Variants in SPTAN1 observed in about 807,000 individuals in gnomAD.
SPTAN1 encodes spectrin alpha, non-erythrocytic 1.
SPTAN1 carries 61 observed loss-of-function variants against 331.3 expected under a neutral mutation model. That is an observed-to-expected ratio of 0.18 (90% CI 0.15 to 0.23). The LOEUF (loss-of-function observed/expected upper bound fraction) is 0.23. Among genes scored for constraint, SPTAN1 ranks in the 10% least tolerant of loss-of-function variants. The pLI is 1.00. For missense variants in SPTAN1, 2,043 were observed against 3,147.9 expected (o/e 0.65, Z 8.40); for synonymous variants, 1,153 against 1,173.9 (o/e 0.98, Z 0.36).
At position 128,627,214 on chromosome 9, in the gene SPTAN1, GAGAA is replaced by G; in HGVS notation, c.6577-167_6577-164del. ...TTGAAGCCCCTGGGGGGTGGGAACA[GAGAA>G]AGAACTACCAAGTGCTCTGAGCCGG... On this transcript the variant is annotated intron_variant, in intron 49 of 56. Transcript: ENST00000372739. This position sits in a 1 kb window ranked among gnomAD's most constrained non-coding sequence, Gnocchi z 4.9. 1 of 665,408 alleles carries G rather than the reference GAGAA, an allele frequency of 1.5e-6. No individual in the cohort carries two copies. Among genetic ancestry groups the G allele is most frequent in the South Asian group, 1.7e-5 (1 of 58,766 alleles). The allele number at this position is 665,408 out of a possible 1,614,324, so 41.2% of individuals were successfully genotyped here.
At chr9:128,571,760 T>C (rs753713040) in intron 3 of SPTAN1, among the ~76,000 whole-genome samples, 35 of 152,308 alleles carry the variant, frequency 2.3e-4, no homozygotes, top group Non-Finnish European at 4.7e-4. Flanking sequence ...TCTCAGAGAA[T>C]TTGAGTAACT....
chr9:128,609,628 G>T, intron 36 of SPTAN1, 23 bp from the exon 37 acceptor site: 3 of 1,522,244 alleles, frequency 2.0e-6, no homozygotes, highest in Non-Finnish European at 2.6e-6. Flanking sequence ...CTGAACTCTT[G>T]TTCTTTTAAT....
At chr9:128,565,155 T>C (rs1162211401) in intron 1 of SPTAN1, among the ~76,000 whole-genome samples, 5 of 151,932 alleles carry the variant, frequency 3.3e-5, no homozygotes, top group East Asian at 1.9e-4. Context: ...ATACAAAAAT[T>C]AGCTGGGCGT....
Position 128,632,569 on chromosome 9 carries a change from C to G in SPTAN1, c.7014-3C>G. On this transcript the variant is annotated splice_polypyrimidine_tract_variant and splice_region_variant and intron_variant, in intron 54 of 56. Coordinates refer to ENST00000372739, the MANE Select transcript of SPTAN1 (RefSeq NM_001130438.3). Reference sequence around the variant, plus strand: ...CTGAGCCGCCCTCGGCTTTGTGCTGCAGACACTTTGACAAGGACAAGTCTG... The same window carrying G: ...CTGAGCCGCCCTCGGCTTTGTGCTGGAGACACTTTGACAAGGACAAGTCTG... 1 of 1,614,120 alleles carries G rather than the reference C, an allele frequency of 6.2e-7. No homozygotes were observed. The highest frequency in any genetic ancestry group is 8.5e-7 in the Non-Finnish European group (1 of 1,180,040).
intron 20 of SPTAN1, 49 bp from the exon 21 acceptor site, chr9:128,588,760 T>C (rs1301781411): frequency 6.2e-7 from 1 of 1,611,030 alleles, no homozygotes; most frequent in South Asian, 1.1e-5. Flanking sequence ...CTTAGATGAC[T>C]CAGCGCGGAC....
intron 21 of SPTAN1, among the ~76,000 whole-genome samples, chr9:128,589,290 C>CTTTTT (rs1171749676): frequency 6.3e-5 from 8 of 126,992 alleles, no homozygotes; most frequent in African/African-American, 8.7e-5. Flanking sequence ...TTTTTCTTTT[C>CTTTTT]TTTTTTTTTT....
intron 3 of SPTAN1, among the ~76,000 whole-genome samples, chr9:128,574,462 G>A (rs1350502046): frequency 6.6e-6 from 1 of 151,880 alleles, no homozygotes; most frequent in Non-Finnish European, 1.5e-5. Context: ...CTACCTACTT[G>A]TAACTTGAAG....
intron 42 of SPTAN1, 85 bp downstream of exon 42, chr9:128,617,845 T>G: frequency 6.2e-7 from 1 of 1,611,644 alleles, no homozygotes. Context: ...CTTATTTCAC[T>G]GAGGTCCCTA....
At chr9:128,586,144 A>G (rs1420149268) in intron 19 of SPTAN1, among the ~76,000 whole-genome samples, 179 bp downstream of exon 19, 1 of 111,834 alleles carries the variant, frequency 8.9e-6, no homozygotes, top group African/African-American at 3.4e-5. Context: ...TTTTGGAGAC[A>G]GAGTCTCACT....
chr9:128,556,854 T>G (rs1291275428), intron 1 of SPTAN1, among the ~76,000 whole-genome samples: 1 of 152,166 alleles, frequency 6.6e-6, no homozygotes, highest in Non-Finnish European at 1.5e-5. Context: ...GCTAAGCTGG[T>G]TTTGAGTTAA....
At chr9:128,560,723 T>TA (rs1849218807) in intron 1 of SPTAN1, among the ~76,000 whole-genome samples, 1 of 151,824 alleles carries the variant, frequency 6.6e-6, no homozygotes, top group Non-Finnish European at 1.5e-5. Flanking sequence ...AAGGAACTAA[T>TA]AAAGAGGGAG....
chr9:128,608,879 G>A lies in SPTAN1; in HGVS notation c.4497G>A (p.Glu1499=), dbSNP rs758689464. 3.1e-6 allele frequency: 5 copies of A among 1,613,958 alleles called. No individual in the cohort carries two copies. Among genetic ancestry groups the A allele is most frequent in the Middle Eastern group, 1.7e-4 (1 of 5,888 alleles). The change falls in exon 35 of 57, where the codon GAG becomes GAA. Residue 1499 remains glutamate, a synonymous_variant. Coordinates refer to ENST00000372739, the MANE Select transcript of SPTAN1 (RefSeq NM_001130438.3). ...ATGCCTTTGTTTTCTGACAGGAAGAGAAGATTGCTGCTCTGCAGGCCTTTG... is the reference window on the plus strand; with the variant it reads ...ATGCCTTTGTTTTCTGACAGGAAGAAAAGATTGCTGCTCTGCAGGCCTTTG... ...DFDKAINVQE[E]KIAALQAFAD...
At position 128,583,251 on chromosome 9, in the gene SPTAN1, A is replaced by C; in HGVS notation, c.1981A>C (p.Lys661Gln). ...ARMNEVISLW[K>Q]KLLEATELKG... ...TATGAATGAGGTGATCAGTTTGTGG[A>C]AGAAACTGCTAGAGGCCACTGAACT... The change falls in exon 15 of 57, where the codon AAG (lysine) becomes CAG (glutamine). Residue 661 changes from lysine to glutamine, a missense_variant. Coordinates refer to ENST00000372739, the MANE Select transcript of SPTAN1 (RefSeq NM_001130438.3). 1 of 1,613,900 alleles carries C rather than the reference A, an allele frequency of 6.2e-7. No individual in the cohort carries two copies. The highest frequency in any genetic ancestry group is 8.5e-7 in the Non-Finnish European group (1 of 1,180,012).
chr9:128,614,235 A>T (rs1483056143), intron 40 of SPTAN1, among the ~76,000 whole-genome samples: 1 of 151,938 alleles, frequency 6.6e-6, no homozygotes, highest in Non-Finnish European at 1.5e-5. Flanking sequence ...CAGGCAGATC[A>T]TGTGAGCCCA....
chr9:128,576,140 A>G (rs1221372832), intron 5 of SPTAN1, among the ~76,000 whole-genome samples: 1 of 152,190 alleles, frequency 6.6e-6, no homozygotes, highest in East Asian at 1.9e-4. Context: ...GGCCAAACCC[A>G]TGGTATCCCA....
intron 31 of SPTAN1, among the ~76,000 whole-genome samples, chr9:128,606,659 T>C (rs529575375): frequency 6.6e-6 from 1 of 151,562 alleles, no homozygotes; most frequent in African/African-American, 2.4e-5. Context: ...AATTTTGTAT[T>C]TTTTTTAGTA....
intron 31 of SPTAN1, 95 bp downstream of exon 31, chr9:128,605,572 A>C: frequency 6.8e-7 from 1 of 1,476,604 alleles, no homozygotes; most frequent in Non-Finnish European, 9.3e-7. Flanking sequence ...AGCAGGGTAC[A>C]ATGGCTCACA....
chr9:128,554,458 G>A (rs1848437243), intron 1 of SPTAN1, among the ~76,000 whole-genome samples: 1 of 152,152 alleles, frequency 6.6e-6, no homozygotes, highest in African/African-American at 2.4e-5. Flanking sequence ...GGTTCCCTGG[G>A]TTAGAATTTT....
At chr9:128,556,751 A>G (rs192292804) in intron 1 of SPTAN1, among the ~76,000 whole-genome samples, 210 of 152,316 alleles carry the variant, frequency 1.4e-3, no homozygotes, top group Middle Eastern at 3.4e-3. Context: ...GGTTTAAGCA[A>G]AAATATTTGT....
Sources: allele counts gnomAD v4.1 joint callset (sites outside exome capture counted in the v4.1 genomes callset), GRCh38; gene constraint gnomAD v4.1.1; non-coding constraint Gnocchi (gnomAD v3.1); transcripts MANE v1.5; gene names NCBI Gene and HGNC (gene_info 2026-07-23, HGNC 2026-07-21).